Variants in PRSS27 observed in about 807,000 individuals in gnomAD.
PRSS27 encodes the protein channel-activating protease 2.
Under a neutral mutation model 32.0 loss-of-function variants are expected in PRSS27, and 25 were observed. The ratio of observed to expected loss-of-function variants is 0.78; its 90% confidence interval spans 0.57 to 1.09. The LOEUF (loss-of-function observed/expected upper bound fraction) is 1.09. Ranked by LOEUF, PRSS27 falls within the 50% of genes least tolerant of loss-of-function variation. PRSS27 has a pLI of 0.00. For missense variants in PRSS27, 401 were observed against 394.9 expected (o/e 1.02, Z -0.13); for synonymous variants, 178 against 172.2 (o/e 1.03, Z -0.26).
At chr16:2,718,029 T>A (rs2067712823) in intron 1 of PRSS27, 2 of 152,340 alleles carry the variant, frequency 1.3e-5, no homozygotes, top group Non-Finnish European at 1.5e-5. Context: ...CCGGGAGGGT[T>A]ATTCCCTGGC....
intron 1 of PRSS27, 110 bp from the exon 2 acceptor site, chr16:2,716,636 G>T: frequency 9.1e-7 from 1 of 1,104,700 alleles, no homozygotes; most frequent in Non-Finnish European, 1.3e-6. Flanking sequence ...GACTCCAGAG[G>T]GACAGTCCAC....
chr16:2,715,939 C>A, intron 2 of PRSS27, 59 bp from the exon 3 acceptor site: 1 of 1,415,308 alleles, frequency 7.1e-7, no homozygotes, highest in Non-Finnish European at 9.5e-7. Flanking sequence ...ATGGCCGAGG[C>A]CCAGCTCTCA....
intron 1 of PRSS27, chr16:2,716,825 C>T (rs1484639646): frequency 2.1e-6 from 1 of 487,172 alleles, no homozygotes; most frequent in African/African-American, 1.9e-5. Flanking sequence ...ATGTCCCCTT[C>T]TCATCCTGGA....
chr16:2,716,122 C>T, intron 2 of PRSS27: 1 of 530,770 alleles, frequency 1.9e-6, no homozygotes, highest in Admixed American at 3.4e-5. Context: ...CTCTTGGGGG[C>T]CACGGAGGCA....
intron 5 of PRSS27, chr16:2,713,101 C>CT (rs879070151): frequency 0.099 from 39,989 of 403,656 alleles, 4 homozygotes; most frequent in Middle Eastern, 0.14. Flanking sequence ...TCTGCTTTTT[C>CT]TTTTTTTTTT....
rs1399664506 is a variant in PRSS27, at chr16:2,717,648, C to T, written c.47-1122G>A. ...CCAGCTGCTATGGACCATGTCTTCA[C>T]TCTGCCCGGAAAAGATAACCAGTCC... On this transcript the variant is annotated intron_variant, in intron 1 of 5. Coordinates refer to ENST00000302641, the MANE Select transcript of PRSS27 (RefSeq NM_031948.5). The surrounding 1 kb of genome is among the most constrained non-coding windows in gnomAD (Gnocchi z 4.1). 4 of 152,392 alleles carry T rather than the reference C, an allele frequency of 2.6e-5. No individual in the cohort carries two copies. The highest frequency in any genetic ancestry group is 9.6e-5 in the African/African-American group (4 of 41,452). The allele number at this position is 152,392 out of a possible 1,614,324, so 9.4% of individuals were successfully genotyped here.
chr16:2,716,344 TCTC>T (rs2067702425), intron 2 of PRSS27, 153 bp downstream of exon 2: 1 of 716,790 alleles, frequency 1.4e-6, no homozygotes, highest in Non-Finnish European at 2.4e-6. Flanking sequence ...TTCCTCCTCC[TCTC>T]CTTTCTGGGC....
intron 4 of PRSS27, among the ~76,000 whole-genome samples, 160 bp from the exon 5 acceptor site, chr16:2,713,858 A>T (rs1306185522): frequency 5.3e-5 from 8 of 152,168 alleles, no homozygotes; most frequent in African/African-American, 1.7e-4. Context: ...TCCAGGCAGC[A>T]GGCTGGGCCC....
At chr16:2,718,442 C>T (rs938752444) in intron 1 of PRSS27, 1 of 151,930 alleles carries the variant, frequency 6.6e-6, no homozygotes, top group East Asian at 1.9e-4. Context: ...CTCAGCCTCC[C>T]GAGTAGCTGG....
chr16:2,716,468 G>A, intron 2 of PRSS27, 32 bp downstream of exon 2: 1 of 1,597,776 alleles, frequency 6.3e-7, no homozygotes, highest in Non-Finnish European at 8.5e-7. Context: ...GCCGGCTCCT[G>A]TCCCTCCCAC....
At chr16:2,720,079 A>C in intron 1 of PRSS27, 36 bp downstream of exon 1, 1 of 1,570,414 alleles carries the variant, frequency 6.4e-7, no homozygotes, top group South Asian at 1.2e-5. Flanking sequence ...CTGGTGGGGG[A>C]CTGCACCACC....
chr16:2,719,988 G>T, intron 1 of PRSS27, 127 bp downstream of exon 1: 1 of 869,724 alleles, frequency 1.1e-6, no homozygotes, highest in Non-Finnish European at 1.8e-6. Flanking sequence ...AGGGGCAGGA[G>T]GGATGATGGC....
At position 2,716,105 on chromosome 16, in the gene PRSS27, C is replaced by T. The variant is rs184883959; in HGVS notation, c.74-225G>A. ...CTCCTCGCCGAGAAAGGCAACCTAA[C>T]ACCTGCCTCTTGGGGGCCACGGAGG... On this transcript the variant is annotated intron_variant, in intron 2 of 5. Transcript: ENST00000302641. The T allele has an allele frequency of 1.1e-3, 588 of 531,736 alleles. 2 individuals are homozygous for T. In the Admixed American group the frequency reaches 0.018, roughly 16 times the overall value. The allele number at this position is 531,736 out of a possible 1,614,324, so 32.9% of individuals were successfully genotyped here.
chr16:2,714,025 G>A lies in PRSS27; in HGVS notation c.508+40C>T. Reference sequence around the variant, plus strand: ...TCCCCAAGCCGTCCTGGGCCTTCTTGAGGCATATCCCCCATTCTTTCCCAG... The same window carrying A: ...TCCCCAAGCCGTCCTGGGCCTTCTTAAGGCATATCCCCCATTCTTTCCCAG... On this transcript the variant is annotated intron_variant, in intron 4 of 5. Transcript: ENST00000302641. The surrounding 1 kb of genome is among the most constrained non-coding windows in gnomAD (Gnocchi z 4.7). The A allele has an allele frequency of 1.3e-6, 2 of 1,562,034 alleles. No homozygotes were observed. Among genetic ancestry groups the A allele is most frequent in the Non-Finnish European group, 1.7e-6 (2 of 1,152,654 alleles).
At chr16:2,716,650 G>C (rs2067704144) in intron 1 of PRSS27, 124 bp from the exon 2 acceptor site, 1 of 982,740 alleles carries the variant, frequency 1.0e-6, no homozygotes, top group South Asian at 1.4e-5. Flanking sequence ...AGTCCACAGA[G>C]GGACCTCACC....
intron 5 of PRSS27, 174 bp downstream of exon 5, chr16:2,713,355 C>G: frequency 1.4e-6 from 1 of 698,620 alleles, no homozygotes; most frequent in Non-Finnish European, 2.6e-6. Context: ...TCCTTGGCCT[C>G]CCAAAGTGCT....
In PRSS27 at chr16:2,714,549, C is replaced by T. The variant is rs914642995; in HGVS notation, c.237-213G>A. The T allele has an allele frequency of 1.8e-5, 11 of 610,008 alleles. No homozygotes were observed. Among genetic ancestry groups the T allele is most frequent in the African/African-American group, 7.4e-5 (4 of 54,178 alleles). The allele number at this position is 610,008 out of a possible 1,614,324, so 37.8% of individuals were successfully genotyped here. A position where few individuals can be genotyped will look rare whatever the true frequency, so the allele number is the denominator to read the frequency against. On this transcript the variant is annotated intron_variant, in intron 3 of 5. Coordinates refer to ENST00000302641, the MANE Select transcript of PRSS27 (RefSeq NM_031948.5). The surrounding 1 kb of genome is among the most constrained non-coding windows in gnomAD (Gnocchi z 4.7). ...TCAGATTTCCACCTCCACCCCTGGCCGCTGTGTGGCCTTGGGCAAGTCACT... is the reference window on the plus strand; with the variant it reads ...TCAGATTTCCACCTCCACCCCTGGCTGCTGTGTGGCCTTGGGCAAGTCACT...
rs1240803030 is a variant in PRSS27, at chr16:2,715,822, G to T, written c.132C>A (p.Gly44=). ...GGATGCTGACTTGCCAGGGCCACTC[G>T]CCCTCCTGCGTGTCCTGCCCGCCCA... ...RMVGGQDTQE[G]EWPWQVSIQR... is the part of the protein sequence containing the mutation. The change falls in exon 3 of 6, where the codon GGC becomes GGA. Residue 44 remains glycine, a synonymous_variant. Transcript: ENST00000302641. 1 of 1,605,458 alleles carries T rather than the reference G, an allele frequency of 6.2e-7. No homozygotes were observed. The highest frequency in any genetic ancestry group is 8.5e-7 in the Non-Finnish European group (1 of 1,177,890).
At chr16:2,713,952 G>C (rs770167276) in intron 4 of PRSS27, 113 bp downstream of exon 4, 2 of 1,207,524 alleles carry the variant, frequency 1.7e-6, no homozygotes, top group Admixed American at 2.2e-5. Flanking sequence ...AACAGAGACC[G>C]TGTGTATGTA....
Sources: gnomAD v4.1 joint callset for allele counts (sites outside exome capture counted in the v4.1 genomes callset) on GRCh38, gnomAD v4.1.1 for gene constraint, Gnocchi (gnomAD v3.1) non-coding constraint, MANE v1.5 for transcripts, NCBI Gene and HGNC (gene_info 2026-07-23, HGNC 2026-07-21) for gene names.